CPEB3: variants seen among roughly 807,000 people sequenced by gnomAD.
CPEB3 encodes the protein cytoplasmic polyadenylation element binding protein 3, also known as cytoplasmic polyadenylation element-binding protein 3.
A neutral mutation model predicts 67.2 loss-of-function variants in CPEB3; 20 were observed. That is an observed-to-expected ratio of 0.30 (90% CI 0.21 to 0.43). The LOEUF is 0.43. Ranked by LOEUF, CPEB3 falls within the 20% of genes least tolerant of loss-of-function variation. The probability of loss-of-function intolerance (pLI) is 1.00; values close to 1 mark genes in which losing one functional copy is unlikely to be tolerated. For missense variants in CPEB3, 746 were observed against 968.6 expected (o/e 0.77, Z 3.05); for synonymous variants, 376 against 393.1 (o/e 0.96, Z 0.51).
At chr10:92,207,984 T>G (rs1849875160) in intron 2 of CPEB3, among the ~76,000 whole-genome samples, 2 of 152,230 alleles carry the variant, frequency 1.3e-5, no homozygotes, top group African/African-American at 4.8e-5. Flanking sequence ...TTGATAGTCC[T>G]GTTGTTGGCT....
At chr10:92,056,546 G>A (rs1246451557) in intron 9 of CPEB3, among the ~76,000 whole-genome samples, 3 of 152,184 alleles carry the variant, frequency 2.0e-5, no homozygotes, top group Non-Finnish European at 4.4e-5. Flanking sequence ...ACCAGCCCAA[G>A]CCTGAGGGGA....
At chr10:92,269,024 G>A (rs1157939816) in intron 1 of CPEB3, among the ~76,000 whole-genome samples, 1 of 152,162 alleles carries the variant, frequency 6.6e-6, no homozygotes, top group Non-Finnish European at 1.5e-5. Context: ...GATGAGCTCT[G>A]GAACTGGAAT....
chr10:92,255,108 GTATTCCCTTTCA>G (rs1287909118), intron 1 of CPEB3, among the ~76,000 whole-genome samples: 9 of 152,004 alleles, frequency 5.9e-5, no homozygotes, highest in African/African-American at 2.2e-4. Context: ...AAACTTACCT[GTATTCCCTTTCA>G]TATTCCCTTT....
chr10:92,269,245 A>G (rs1301230260), intron 1 of CPEB3, among the ~76,000 whole-genome samples: 1 of 152,062 alleles, frequency 6.6e-6, no homozygotes, highest in African/African-American at 2.4e-5. Context: ...TGAAGACGGG[A>G]TTTGGGCTGA....
chr10:92,145,386 T>C (rs1846629739), intron 4 of CPEB3, among the ~76,000 whole-genome samples: 1 of 152,130 alleles, frequency 6.6e-6, no homozygotes, highest in Non-Finnish European at 1.5e-5. Context: ...CCCAGCACTT[T>C]GGGAGGCTGA....
chr10:92,270,320 AAAG>A (rs1366496772), intron 1 of CPEB3, among the ~76,000 whole-genome samples: 1 of 152,168 alleles, frequency 6.6e-6, no homozygotes, highest in African/African-American at 2.4e-5. Context: ...CGTCAGCCTT[AAAG>A]AACAAACAGA....
At chr10:92,216,517 C>T (rs1850407645) in intron 2 of CPEB3, 12 of 1,612,776 alleles carry the variant, frequency 7.4e-6, no homozygotes, top group African/African-American at 2.7e-5. Flanking sequence ...AGATTCGGCG[C>T]GGGGTGAAAG....
At position 92,162,526 on chromosome 10, in the gene CPEB3, C is replaced by T. The variant is rs184198162; in HGVS notation, c.1223-17441G>A. 2.1e-3 allele frequency among the ~76,000 whole-genome samples: 323 copies of T among 152,032 alleles called. 2 individuals are homozygous for T. The highest frequency in any genetic ancestry group is 7.5e-3 in the African/African-American group (310 of 41,484). On this transcript the variant is annotated intron_variant, in intron 4 of 9. Coordinates refer to ENST00000265997, the MANE Select transcript of CPEB3 (RefSeq NM_014912.5). ...ATCCACAGTGCTAATATTTTTGTAG[C>T]TTTTAAATCATAAACCTGAATAATT...
intron 1 of CPEB3, among the ~76,000 whole-genome samples, chr10:92,270,039 G>A (rs764332235): frequency 1.3e-5 from 2 of 151,454 alleles, no homozygotes; most frequent in Admixed American, 1.3e-4. Context: ...TATGGGGGGT[G>A]GGGGGGAAGG....
intron 2 of CPEB3, among the ~76,000 whole-genome samples, chr10:92,208,814 C>T (rs548823188): frequency 1.3e-5 from 2 of 152,082 alleles, no homozygotes; most frequent in African/African-American, 2.4e-5. Flanking sequence ...AGGCTGGTCT[C>T]GAACTCCTGA....
At chr10:92,155,947 A>G (rs985462960) in intron 4 of CPEB3, among the ~76,000 whole-genome samples, 1 of 152,190 alleles carries the variant, frequency 6.6e-6, no homozygotes, top group African/African-American at 2.4e-5. Context: ...TATAAAAATA[A>G]GATAATTTTT....
chr10:92,178,581 C>T (rs1192104102), intron 4 of CPEB3, among the ~76,000 whole-genome samples: 1 of 152,028 alleles, frequency 6.6e-6, no homozygotes, highest in South Asian at 2.1e-4. Flanking sequence ...TGGCTCACAC[C>T]TTTAATCCCA....
At chr10:92,104,676 A>C (rs1037302190) in intron 7 of CPEB3, among the ~76,000 whole-genome samples, 1 of 151,946 alleles carries the variant, frequency 6.6e-6, no homozygotes, top group Non-Finnish European at 1.5e-5. Context: ...GTGAGGCACC[A>C]CGCCCGGCTG....
At chr10:92,270,340 G>T (rs900130162) in intron 1 of CPEB3, among the ~76,000 whole-genome samples, 1 of 152,070 alleles carries the variant, frequency 6.6e-6, no homozygotes, top group African/African-American at 2.4e-5. Context: ...CAGATAAAGT[G>T]CAAAGGAAGT....
chr10:92,048,992 A>T lies in CPEB3; in HGVS notation c.*3220T>A, dbSNP rs1205170783. 6.6e-6 allele frequency: 1 copy of T among 152,618 alleles called. No individual in the cohort carries two copies. The highest frequency in any genetic ancestry group is 1.5e-5 in the Non-Finnish European group (1 of 68,034). 9.5% of individuals were successfully genotyped at this position (152,618 alleles called of 1,614,324 possible). ...ACTCCTTAAAGAAAATACGAAATAA[A>T]ATGAAAAATATGTAAATATGTTTAA... On this transcript the variant is annotated 3_prime_UTR_variant, in exon 10 of 10. Transcript: ENST00000265997. The surrounding 1 kb of genome is among the most constrained non-coding windows in gnomAD (Gnocchi z 4.1).
chr10:92,070,233 C>G (rs1433152342), intron 9 of CPEB3, among the ~76,000 whole-genome samples: 1 of 152,122 alleles, frequency 6.6e-6, no homozygotes, highest in Non-Finnish European at 1.5e-5. Flanking sequence ...CTTCTTGGGT[C>G]TTCACAATGA....
At chr10:92,115,012 A>G (rs1009751202) in intron 6 of CPEB3, among the ~76,000 whole-genome samples, 1 of 152,244 alleles carries the variant, frequency 6.6e-6, no homozygotes, top group Non-Finnish European at 1.5e-5. Context: ...CAGCCGGCAG[A>G]GCCGCCTGGC....
chr10:92,288,007 A>G (rs376562757), intron 1 of CPEB3, among the ~76,000 whole-genome samples: 1 of 151,990 alleles, frequency 6.6e-6, no homozygotes, highest in East Asian at 1.9e-4. Context: ...GGCTCCTCTC[A>G]CTTGGTATAA....
intron 9 of CPEB3, among the ~76,000 whole-genome samples, chr10:92,064,838 A>C (rs945936375): frequency 1.3e-5 from 2 of 152,212 alleles, no homozygotes; most frequent in Non-Finnish European, 2.9e-5. Context: ...ATGTGAGCTC[A>C]ATATACCGTG....
Sources: gnomAD v4.1 joint callset for allele counts (sites outside exome capture counted in the v4.1 genomes callset) on GRCh38, gnomAD v4.1.1 for gene constraint, Gnocchi (gnomAD v3.1) non-coding constraint, MANE v1.5 for transcripts, NCBI Gene and HGNC (gene_info 2026-07-23, HGNC 2026-07-21) for gene names.